ZNF710: variants seen among roughly 807,000 people sequenced by gnomAD.
ZNF710 encodes the protein zinc finger protein 710.
In ZNF710, 13 loss-of-function variants were observed where a neutral mutation model predicts 50.6. The observed-to-expected ratio is 0.26, with a 90% CI of 0.17 to 0.41. ZNF710 has a LOEUF of 0.41. Among genes scored for constraint, ZNF710 ranks in the 10% least tolerant of loss-of-function variants. The pLI is 1.00. For missense variants in ZNF710, 721 were observed against 936.6 expected (o/e 0.77, Z 3.01); for synonymous variants, 383 against 397.0 (o/e 0.96, Z 0.42).
intron 1 of ZNF710, among the ~76,000 whole-genome samples, chr15:90,028,789 A>G (rs1228559822): frequency 1.3e-5 from 2 of 152,228 alleles, no homozygotes; most frequent in East Asian, 1.9e-4. Flanking sequence ...CGGTGTGACT[A>G]TGAACATGGG....
intron 1 of ZNF710, among the ~76,000 whole-genome samples, chr15:90,019,637 G>T (rs1015020959): frequency 2.6e-5 from 4 of 152,166 alleles, no homozygotes; most frequent in African/African-American, 9.7e-5. Flanking sequence ...AGAGTAAATG[G>T]CAAGGAAGGG....
At chr15:90,028,267 G>A (rs1233779327) in intron 1 of ZNF710, among the ~76,000 whole-genome samples, 1 of 152,150 alleles carries the variant, frequency 6.6e-6, no homozygotes, top group Non-Finnish European at 1.5e-5. Flanking sequence ...TTTGAAGAAA[G>A]TTACAGAGCA....
intron 1 of ZNF710, among the ~76,000 whole-genome samples, chr15:90,020,330 C>A (rs1449027647): frequency 1.3e-5 from 2 of 152,188 alleles, no homozygotes; most frequent in African/African-American, 4.8e-5. Flanking sequence ...ATCCAGGCAC[C>A]TCACAGCCCC....
intron 1 of ZNF710, among the ~76,000 whole-genome samples, chr15:90,051,137 G>A (rs985208724): frequency 2.0e-5 from 3 of 152,008 alleles, no homozygotes; most frequent in African/African-American, 7.2e-5. Flanking sequence ...TACTTGGGAG[G>A]CTGAGGCAGG....
Position 90,064,651 on chromosome 15 carries a change from C to T in ZNF710, c.-28-2459C>T, listed in dbSNP as rs189011074. Among the ~76,000 whole-genome samples, 767 of 152,254 alleles carry T rather than the reference C, an allele frequency of 5.0e-3. 5 individuals carry two copies. The highest frequency in any genetic ancestry group is 0.017 in the African/African-American group (695 of 41,538). On this transcript the variant is annotated intron_variant, in intron 1 of 4. Coordinates refer to ENST00000268154, the MANE Select transcript of ZNF710 (RefSeq NM_198526.4). ...TACAGGCACCCACCACCACGCCCGG[C>T]TAATTTTTGTATTTTTAGTAGAGAT...
At chr15:90,002,783 G>C (rs1898047434) in intron 1 of ZNF710, among the ~76,000 whole-genome samples, 1 of 152,228 alleles carries the variant, frequency 6.6e-6, no homozygotes, top group Non-Finnish European at 1.5e-5. Flanking sequence ...CCAGGGAGGT[G>C]CTTGTGTGGA....
intron 1 of ZNF710, among the ~76,000 whole-genome samples, chr15:90,065,165 G>A (rs958304520): frequency 6.6e-6 from 1 of 152,166 alleles, no homozygotes; most frequent in Non-Finnish European, 1.5e-5. Context: ...CCGTTTCAAG[G>A]AGGCTAAATT....
chr15:90,006,934 G>GGGGTGACTTCTCTGATGTTTCA (rs1567217763), intron 1 of ZNF710: 1 of 154,712 alleles, frequency 6.5e-6, no homozygotes, highest in African/African-American at 2.4e-5. Context: ...AAGTCACCCT[G>GGGGTGACTTCTCTGATGTTTCA]GGGTGACTTC....
chr15:90,052,848 G>A (rs1464350984), intron 1 of ZNF710, among the ~76,000 whole-genome samples: 5 of 152,212 alleles, frequency 3.3e-5, no homozygotes. Context: ...CAGGGGAATC[G>A]CTTGAACCGG....
Position 90,067,719 on chromosome 15 carries a change from G to A in ZNF710, c.582G>A (p.Pro194=), listed in dbSNP as rs115307949. The change falls in exon 2 of 5, where the codon CCG becomes CCA. Residue 194 remains proline (P), a synonymous_variant. Transcript: ENST00000268154. The surrounding 1 kb of genome is among the most constrained non-coding windows in gnomAD (Gnocchi z 8.1). The part of the protein sequence containing the change: ...VAPYDPHFPA[P]ARDGFPEPSM... The stretch of plus-strand genomic sequence containing the variant: ...CATATGACCCTCACTTCCCGGCCCC[G>A]GCCCGGGATGGCTTCCCCGAGCCCA... 7.1e-4 allele frequency: 1,142 copies of A among 1,605,110 alleles called. 5 individuals carry two copies. The African/African-American group carries it at 0.013, about 18-fold the overall frequency.
rs531338301 is a variant in ZNF710 at position 90,059,479 on chromosome 15, G to A, written c.-28-7631G>A. 3.3e-5 allele frequency among the ~76,000 whole-genome samples: 5 copies of A among 152,242 alleles called. No individual in the cohort carries two copies. Among genetic ancestry groups the A allele is most frequent in the East Asian group, 1.9e-4 (1 of 5,176 alleles). ...CTGTTAACAGGGCCGGGTATGGTGC[G>A]CATCACGGGGGTTTGTGGGTTGGTG... is the stretch of plus-strand genomic sequence containing the variant. On this transcript the variant is annotated intron_variant, in intron 1 of 4. Transcript: ENST00000268154. This position sits in a 1 kb window ranked among gnomAD's most constrained non-coding sequence, Gnocchi z 4.1.
rs536699889 is a variant in ZNF710, at chr15:90,062,066, G to A, written c.-28-5044G>A. ...TGGAGGTGCCGAGCCCTGGGAAATA[G>A]GGCAGTCCTGGGCTTCCGGTGTCAC... On this transcript the variant is annotated intron_variant, in intron 1 of 4. Transcript: ENST00000268154. The surrounding 1 kb of genome is among the most constrained non-coding windows in gnomAD (Gnocchi z 5.6). Among the ~76,000 whole-genome samples the A allele has an allele frequency of 6.6e-6, 1 of 151,922 alleles. No individual in the cohort carries two copies. Among genetic ancestry groups the A allele is most frequent in the African/African-American group, 2.4e-5 (1 of 41,332 alleles).
intron 4 of ZNF710, 115 bp downstream of exon 4, chr15:90,074,405 G>T: frequency 6.4e-7 from 1 of 1,558,474 alleles, no homozygotes. Flanking sequence ...ACTTCGTTGG[G>T]GTGGGCTCAG....
chr15:90,061,343 A>AT lies in ZNF710; in HGVS notation c.-28-5758dup, dbSNP rs139872967. On this transcript the variant is annotated intron_variant, in intron 1 of 4. Transcript: ENST00000268154. Reference sequence around the variant, plus strand: ...GCCACCACACTTAGCTAATTTTTGCATTTTTTTTTGCAGAGATGAGAGCTC... The same window carrying AT: ...GCCACCACACTTAGCTAATTTTTGCATTTTTTTTTTGCAGAGATGAGAGCTC... 7.0e-3 allele frequency among the ~76,000 whole-genome samples: 1,040 copies of AT among 149,638 alleles called. 13 individuals are homozygous for AT. The highest frequency in any genetic ancestry group is 0.018 in the African/African-American group (732 of 40,920).
chr15:90,072,873 G>A (rs969762019), intron 2 of ZNF710, among the ~76,000 whole-genome samples, 198 bp from the exon 3 acceptor site: 2 of 152,172 alleles, frequency 1.3e-5, no homozygotes, highest in African/African-American at 4.8e-5. Context: ...GCTTCCTGGA[G>A]TAAGTGGCTC....
intron 1 of ZNF710, among the ~76,000 whole-genome samples, chr15:90,030,000 C>T (rs1898885717): frequency 6.6e-6 from 1 of 152,074 alleles, no homozygotes; most frequent in African/African-American, 2.4e-5. Flanking sequence ...AGTGCATTTA[C>T]AGACATTCCT....
intron 1 of ZNF710, among the ~76,000 whole-genome samples, chr15:90,009,954 C>T (rs1030584540): frequency 6.6e-6 from 1 of 152,162 alleles, no homozygotes; most frequent in African/African-American, 2.4e-5. Context: ...TTCCTCTTAC[C>T]TGACTTCTCC....
chr15:90,051,790 T>A (rs999293235), intron 1 of ZNF710, among the ~76,000 whole-genome samples: 1 of 152,210 alleles, frequency 6.6e-6, no homozygotes, highest in Non-Finnish European at 1.5e-5. Context: ...GTCAAGATTC[T>A]GTGCTGTATA....
At chr15:90,061,529 G>A (rs1210089938) in intron 1 of ZNF710, among the ~76,000 whole-genome samples, 1 of 152,100 alleles carries the variant, frequency 6.6e-6, no homozygotes, top group East Asian at 1.9e-4. Context: ...GTGTCCAGGT[G>A]GCCACAAGGT....
Sources: gnomAD v4.1 joint callset for allele counts (sites outside exome capture counted in the v4.1 genomes callset) on GRCh38, gnomAD v4.1.1 for gene constraint, Gnocchi (gnomAD v3.1) non-coding constraint, MANE v1.5 for transcripts, NCBI Gene and HGNC (gene_info 2026-07-23, HGNC 2026-07-21) for gene names.